PCBP4: variants seen among roughly 807,000 people sequenced by gnomAD.
PCBP4 encodes poly(rC)-binding protein 4.
Under a neutral mutation model 46.2 loss-of-function variants are expected in PCBP4, and 24 were observed. That is an observed-to-expected ratio of 0.52 (90% CI 0.38 to 0.73). The LOEUF (loss-of-function observed/expected upper bound fraction) is 0.73, where lower values mean the gene tolerates loss of function less well. PCBP4 is among the 30% of genes least tolerant of loss of function. PCBP4 has a pLI of 0.00. For missense variants in PCBP4, 407 were observed against 537.0 expected, an observed-to-expected ratio of 0.76 and a Z score of 2.39; for synonymous variants, 203 against 224.4, an observed-to-expected ratio of 0.90 and a Z score of 0.85.
At position 51,958,761 on chromosome 3, in the gene PCBP4, T is replaced by A. The variant is rs757330166; in HGVS notation, c.923+29A>T. 5.0e-6 allele frequency: 8 copies of A among 1,596,866 alleles called. No individual in the cohort carries two copies. In the South Asian group the frequency reaches 8.9e-5, roughly 18 times the overall value. ...TGGGCACATGAGAACCGTGACCTGC[T>A]CCCCCACTGCCGCCCAGCCCGCGCT... On this transcript the variant is annotated intron_variant, in intron 13 of 13. Coordinates refer to ENST00000461554, the MANE Select transcript of PCBP4 (RefSeq NM_001174100.2). The surrounding 1 kb of genome is among the most constrained non-coding windows in gnomAD (Gnocchi z 5.4).
In PCBP4 at chr3:51,961,199, G is replaced by C. The variant is rs768078990; in HGVS notation, c.42C>G (p.Leu14=). 3 of 1,613,374 alleles carry C rather than the reference G, an allele frequency of 1.9e-6. No homozygotes were observed. In the South Asian group the frequency reaches 3.3e-5, roughly 18 times the overall value. The change falls in exon 3 of 14, where the codon CTC becomes CTG. Residue 14 remains leucine (L), a synonymous_variant. Coordinates refer to ENST00000461554, the MANE Select transcript of PCBP4 (RefSeq NM_001174100.2). ...SDGGLEEEPE[L]SITLTLRMLM... ...GCATCCGCAGCGTGAGGGTGATGCT[G>C]AGCTCTGGCTCCTCCTCCAGTCCCC... is the stretch of plus-strand genomic sequence containing the variant.
At position 51,960,133 on chromosome 3, in the gene PCBP4, C is replaced by T; in HGVS notation, c.387+56G>A. 6.2e-7 allele frequency: 1 copy of T among 1,614,180 alleles called. No homozygotes were observed. Among genetic ancestry groups the T allele is most frequent in the South Asian group, 1.1e-5 (1 of 91,084 alleles). On this transcript the variant is annotated intron_variant, in intron 7 of 13. Transcript: ENST00000461554. This position sits in a 1 kb window ranked among gnomAD's most constrained non-coding sequence, Gnocchi z 5.0. ...AGGACGCCATAAGCCCAACACCCCT[C>T]TTACAACTGCTCCCTTGCCCCGGAT...
intron 1 of PCBP4, chr3:51,962,834 CT>C (rs974774177): frequency 3.3e-5 from 5 of 152,278 alleles, no homozygotes; most frequent in African/African-American, 1.2e-4. Context: ...TGACACCCTG[CT>C]CCCCTGGGTG....
Position 51,961,038 on chromosome 3 carries a change from GGACAA to G in PCBP4, c.82-10_82-6del, listed in dbSNP as rs771465073. On this transcript the variant is annotated splice_region_variant and splice_polypyrimidine_tract_variant and intron_variant, in intron 3 of 13. Coordinates refer to ENST00000461554, the MANE Select transcript of PCBP4 (RefSeq NM_001174100.2). ...CCCGATGATGCTGCCCACTTCCTGC[GGACAA>G]GACAAGAGCCGTCAGATGGGTGCCA... is the stretch of plus-strand genomic sequence containing the variant. The G allele has an allele frequency of 3.0e-5, 48 of 1,614,086 alleles. No individual in the cohort carries two copies. Among genetic ancestry groups the G allele is most frequent in the East Asian group, 4.5e-5 (2 of 44,890 alleles).
At chr3:51,965,038 G>A (rs1700355325) in intron 1 of PCBP4, among the ~76,000 whole-genome samples, 2 of 152,210 alleles carry the variant, frequency 1.3e-5, no homozygotes, top group African/African-American at 4.8e-5. Flanking sequence ...TCGGAACCAA[G>A]GGAAACCAAG....
chr3:51,961,347 C>T (rs1355069956), intron 2 of PCBP4, 43 bp from the exon 3 acceptor site: 18 of 1,493,188 alleles, frequency 1.2e-5, no homozygotes, highest in Non-Finnish European at 1.5e-5. Context: ...GAGCCCAGTC[C>T]ACCCTGCCCC....
intron 1 of PCBP4, among the ~76,000 whole-genome samples, chr3:51,963,519 G>A (rs1700277832): frequency 1.3e-5 from 2 of 152,196 alleles, no homozygotes; most frequent in African/African-American, 2.4e-5. Flanking sequence ...GGACCCCCTT[G>A]GGATGGTAAC....
Position 51,958,482 on chromosome 3 carries a change from T to C in PCBP4, c.924-133A>G. 6.1e-6 allele frequency: 4 copies of C among 654,544 alleles called. No homozygotes were observed. The highest frequency in any genetic ancestry group is 3.4e-5 in the Admixed American group (1 of 29,804). 40.5% of individuals were successfully genotyped at this position (654,544 alleles called of 1,614,324 possible). The stretch of plus-strand genomic sequence containing the variant: ...TGAACAGAGAACAATAAGGGGAAGA[T>C]GGGAAAGGTGGAAGAGGAAGGGAAG... On this transcript the variant is annotated intron_variant, in intron 13 of 13. Coordinates refer to ENST00000461554, the MANE Select transcript of PCBP4 (RefSeq NM_001174100.2). The surrounding 1 kb of genome is among the most constrained non-coding windows in gnomAD (Gnocchi z 5.4).
intron 1 of PCBP4, among the ~76,000 whole-genome samples, chr3:51,962,369 C>T (rs1016704298): frequency 6.6e-6 from 1 of 152,076 alleles, no homozygotes; most frequent in African/African-American, 2.4e-5. Flanking sequence ...TTTTCATGCC[C>T]CGACTTAATC....
intron 1 of PCBP4, among the ~76,000 whole-genome samples, chr3:51,964,276 C>T (rs933113271): frequency 6.6e-6 from 1 of 152,210 alleles, no homozygotes; most frequent in Non-Finnish European, 1.5e-5. Context: ...TCTCCCATGA[C>T]AGCTGCCCAA....
In PCBP4 at chr3:51,959,518, CTCT is replaced by C. The variant is rs1700035855; in HGVS notation, c.591+56_591+58del. 6.5e-7 allele frequency: 1 copy of C among 1,530,564 alleles called. No homozygotes were observed. Among genetic ancestry groups the C allele is most frequent in the Admixed American group, 2.0e-5 (1 of 50,726 alleles). 94.8% of individuals were successfully genotyped at this position (1,530,564 alleles called of 1,614,324 possible). A position where few individuals can be genotyped will look rare whatever the true frequency, so the allele number is the denominator to read the frequency against. On this transcript the variant is annotated intron_variant, in intron 9 of 13. Coordinates refer to ENST00000461554, the MANE Select transcript of PCBP4 (RefSeq NM_001174100.2). This position sits in a 1 kb window ranked among gnomAD's most constrained non-coding sequence, Gnocchi z 5.6. ...CTCCAATTCCTTCTTCCATCCCCTC[CTCT>C]ATCTCAATCCCCCTTCTCCAGTAAT...
Position 51,958,743 on chromosome 3 carries a change from A to C in PCBP4, c.923+47T>G. On this transcript the variant is annotated intron_variant, in intron 13 of 13. Transcript: ENST00000461554. The surrounding 1 kb of genome is among the most constrained non-coding windows in gnomAD (Gnocchi z 5.4). ...CCCCACCCCTGCCTTTCTTGGGCAC[A>C]TGAGAACCGTGACCTGCTCCCCCAC... 6.3e-7 allele frequency: 1 copy of C among 1,581,200 alleles called. No homozygotes were observed. Among genetic ancestry groups the C allele is most frequent in the South Asian group, 1.1e-5 (1 of 87,806 alleles).
In PCBP4 at chr3:51,958,701, G is replaced by A; in HGVS notation, c.923+89C>T. Reference sequence around the variant, plus strand: ...CAGAGGTCGGGCCCAGACAGAGAGAGGAGGCCAGCTTCCTCTCCCCACCCC... The same window carrying A: ...CAGAGGTCGGGCCCAGACAGAGAGAAGAGGCCAGCTTCCTCTCCCCACCCC... On this transcript the variant is annotated intron_variant, in intron 13 of 13. Transcript: ENST00000461554. This position sits in a 1 kb window ranked among gnomAD's most constrained non-coding sequence, Gnocchi z 5.4. The A allele has an allele frequency of 2.1e-6, 3 of 1,441,544 alleles. No homozygotes were observed. The highest frequency in any genetic ancestry group is 2.8e-6 in the Non-Finnish European group (3 of 1,061,346). The allele number at this position is 1,441,544 out of a possible 1,614,324, so 89.3% of individuals were successfully genotyped here.
rs1389694467 is a variant in PCBP4 at position 51,959,268 on chromosome 3, T to C, written c.661A>G (p.Ser221Gly). 1 of 1,613,930 alleles carries C rather than the reference T, an allele frequency of 6.2e-7. No homozygotes were observed. Among genetic ancestry groups the C allele is most frequent in the South Asian group, 1.1e-5 (1 of 91,058 alleles). ...GGTGTGGCAAAGGGGACCGCATGGC[T>C]TGAGAGCTGCTGGAGCTTGGTGACC... ...AEVTKLQQLSSHAVPFATPSV... is the reference protein window; with the variant it reads ...AEVTKLQQLSGHAVPFATPSV... The change falls in exon 11 of 14, where the codon AGC becomes GGC. Residue 221 changes from serine (S) to glycine (G), a missense_variant. Coordinates refer to ENST00000461554, the MANE Select transcript of PCBP4 (RefSeq NM_001174100.2). This position sits in a 1 kb window ranked among gnomAD's most constrained non-coding sequence, Gnocchi z 5.6.
At position 51,961,932 on chromosome 3, in the gene PCBP4, C is replaced by T. The variant is rs1331543822; in HGVS notation, c.-65+9G>A. 1 of 158,660 alleles carries T rather than the reference C, an allele frequency of 6.3e-6. No homozygotes were observed. Among genetic ancestry groups the T allele is most frequent in the Non-Finnish European group, 1.4e-5 (1 of 73,932 alleles). 9.8% of individuals were successfully genotyped at this position (158,660 alleles called of 1,614,324 possible). ...GTTGAGGGGGGAATTGAGGCACACT[C>T]CCACCTACCAAAAGTCACTAGGGCA... On this transcript the variant is annotated intron_variant, in intron 2 of 13. Coordinates refer to ENST00000461554, the MANE Select transcript of PCBP4 (RefSeq NM_001174100.2).
chr3:51,965,047 A>C (rs1377727186), intron 1 of PCBP4, among the ~76,000 whole-genome samples: 1 of 152,220 alleles, frequency 6.6e-6, no homozygotes, highest in Non-Finnish European at 1.5e-5. Flanking sequence ...AGGGAAACCA[A>C]GTCAAGCCCG....
Position 51,960,571 on chromosome 3 carries a change from T to C in PCBP4, c.210A>G (p.Ala70=), listed in dbSNP as rs323874. The change falls in exon 6 of 14, where the codon GCA becomes GCG. Residue 70 remains alanine (A), a synonymous_variant. Transcript: ENST00000461554. The surrounding 1 kb of genome is among the most constrained non-coding windows in gnomAD (Gnocchi z 5.0). ...ERITTITGST[A]AVFHAVSMIA... The stretch of plus-strand genomic sequence containing the variant: ...TCATGGAGACTGCATGGAAGACAGC[T>C]GCTGTAGACCCGGTGATGGTGGTGA... 0.031 allele frequency: 49,884 copies of C among 1,614,052 alleles called. 4,446 individuals are homozygous for C. The African/African-American group carries it at 0.32, about 10-fold the overall frequency.
chr3:51,961,347 C>A (rs1355069956), intron 2 of PCBP4, 43 bp from the exon 3 acceptor site: 10 of 1,493,306 alleles, frequency 6.7e-6, no homozygotes, highest in Admixed American at 6.3e-5. Flanking sequence ...GAGCCCAGTC[C>A]ACCCTGCCCC....
In PCBP4 at chr3:51,960,807, G is replaced by A; in HGVS notation, c.138+59C>T. On this transcript the variant is annotated intron_variant, in intron 5 of 13. Coordinates refer to ENST00000461554, the MANE Select transcript of PCBP4 (RefSeq NM_001174100.2). The surrounding 1 kb of genome is among the most constrained non-coding windows in gnomAD (Gnocchi z 5.0). ...AGGAGTGGTTCAGAGAGAAAGTGGGGCAGGGATCTCCCCTCCACATCAGGT... is the reference window on the plus strand; with the variant it reads ...AGGAGTGGTTCAGAGAGAAAGTGGGACAGGGATCTCCCCTCCACATCAGGT... 13 of 1,578,446 alleles carry A rather than the reference G, an allele frequency of 8.2e-6. No individual in the cohort carries two copies. The South Asian group carries it at 1.4e-4, about 17-fold the overall frequency.
Sources: gnomAD v4.1 joint callset for allele counts (sites outside exome capture counted in the v4.1 genomes callset) on GRCh38, gnomAD v4.1.1 for gene constraint, Gnocchi (gnomAD v3.1) non-coding constraint, MANE v1.5 for transcripts, NCBI Gene and HGNC (gene_info 2026-07-23, HGNC 2026-07-21) for gene names.